The following PDZD8 variants were observed in gnomAD, a reference collection of about 807,000 sequenced individuals.
PDZD8 encodes the protein PDZ domain containing 8, also known as PDZ domain-containing protein 8.
PDZD8 carries 14 observed loss-of-function variants against 85.8 expected under a neutral mutation model. The ratio of observed to expected loss-of-function variants is 0.16; its 90% CI spans 0.11 to 0.26. PDZD8 has a LOEUF of 0.26. PDZD8 is among the 10% of genes least tolerant of loss of function. The pLI, the probability that PDZD8 is intolerant of heterozygous loss-of-function variation, is 1.00. For missense variants in PDZD8, 1,197 were observed against 1,424.3 expected, an observed-to-expected ratio of 0.84 and a Z score of 2.57; for synonymous variants, 592 against 568.6, an observed-to-expected ratio of 1.04 and a Z score of -0.59.
At chr10:117,321,038 C>T (rs1172177592) in intron 2 of PDZD8, among the ~76,000 whole-genome samples, 1 of 152,050 alleles carries the variant, frequency 6.6e-6, no homozygotes, top group Non-Finnish European at 1.5e-5. Flanking sequence ...GCTCATACAT[C>T]GCTGATGGGA....
At chr10:117,343,357 CGAGTTT>C (rs139555163) in intron 1 of PDZD8, among the ~76,000 whole-genome samples, 2,744 of 152,212 alleles carry the variant, frequency 0.018, 96 homozygotes, top group African/African-American at 0.064. Context: ...GAAAGCCCCC[CGAGTTT>C]CTCCCAACTA....
In PDZD8 at chr10:117,375,371, GGCCGGCGCGCTGCGGCGCCCGA is replaced by G; in HGVS notation, c.-166_-145del. 1.9e-6 allele frequency: 1 copy of G among 524,314 alleles called. No individual in the cohort carries two copies. Among genetic ancestry groups the G allele is most frequent in the Non-Finnish European group, 2.9e-6 (1 of 346,234 alleles). The allele number at this position is 524,314 out of a possible 1,614,324, so 32.5% of individuals were successfully genotyped here. A position where few individuals can be genotyped will look rare whatever the true frequency, so the allele number is the denominator to read the frequency against. On this transcript the variant is annotated 5_prime_UTR_variant, in exon 1 of 5. Transcript: ENST00000334464. ...TCCGTGGGCCTCGTCCAGGGGCTCG[GGCCGGCGCGCTGCGGCGCCCGA>G]GCCCGCAGCGGCCCGCGCCTCCTCA...
At chr10:117,343,161 A>G (rs1844645754) in intron 1 of PDZD8, among the ~76,000 whole-genome samples, 1 of 152,244 alleles carries the variant, frequency 6.6e-6, no homozygotes, top group Non-Finnish European at 1.5e-5. Context: ...AAACTGAAAT[A>G]AACACTTAGA....
intron 1 of PDZD8, among the ~76,000 whole-genome samples, chr10:117,351,927 C>CT (rs144041525): frequency 0.028 from 4,241 of 152,244 alleles, 220 homozygotes; most frequent in African/African-American, 0.099. Flanking sequence ...AATCCTCCTG[C>CT]TTCGGCCTCC....
chr10:117,365,927 T>C (rs142354316), intron 1 of PDZD8, among the ~76,000 whole-genome samples: 129 of 152,288 alleles, frequency 8.5e-4, no homozygotes, highest in African/African-American at 3.0e-3. Context: ...GTTGAGTCAG[T>C]ATTTAACTTT....
At position 117,292,108 on chromosome 10, in the gene PDZD8, C is replaced by T. The variant is rs543600918; in HGVS notation, c.1099-1760G>A. Among the ~76,000 whole-genome samples the T allele has an allele frequency of 1.1e-4, 17 of 152,198 alleles. No homozygotes were observed. The East Asian group carries it at 2.7e-3, about 24-fold the overall frequency. The stretch of plus-strand genomic sequence containing the variant: ...TTCAATTTTCCTACCTAATGATATT[C>T]GCTGGTAAAAGAACCCTCACTGGAA... On this transcript the variant is annotated intron_variant, in intron 3 of 4. Transcript: ENST00000334464.
Position 117,285,429 on chromosome 10 carries a change from T to C in PDZD8, c.1304A>G (p.Lys435Arg), listed in dbSNP as rs115305145. Reference protein sequence around the residue: ...TSTLQVLKLIKQAGDRVLVYY... With the variant: ...TSTLQVLKLIRQAGDRVLVYY... The stretch of plus-strand genomic sequence containing the variant: ...CACCAGGACTCGGTCACCAGCCTGC[T>C]TGATAAGCTTCAACACTTGCAGTGT... The change falls in exon 5 of 5, where the codon AAG (lysine) becomes AGG (arginine). Residue 435 changes from lysine (K) to arginine (R), a missense_variant. Lys to Arg is a conservative substitution (Grantham distance 26). Around this residue, in one of 4 missense-constraint regions of PDZD8, gnomAD observed 344 missense variants for 453.6 expected, o/e 0.76. Coordinates refer to ENST00000334464, the MANE Select transcript of PDZD8 (RefSeq NM_173791.5). 73 of 1,612,276 alleles carry C rather than the reference T, an allele frequency of 4.5e-5. No individual in the cohort carries two copies. The Middle Eastern group carries it at 5.0e-4, about 11-fold the overall frequency.
chr10:117,310,005 G>T (rs1402174106), intron 3 of PDZD8, among the ~76,000 whole-genome samples: 2 of 152,126 alleles, frequency 1.3e-5, no homozygotes, highest in African/African-American at 4.8e-5. Context: ...GAGAGTAACA[G>T]GCAAACTTCT....
intron 1 of PDZD8, among the ~76,000 whole-genome samples, chr10:117,356,444 C>T (rs1844896703): frequency 1.3e-5 from 2 of 152,162 alleles, no homozygotes; most frequent in South Asian, 4.2e-4. Context: ...CCACAGATAT[C>T]CAAATATTTA....
chr10:117,284,308 C>A lies in PDZD8; in HGVS notation c.2425G>T (p.Val809Leu). 6.2e-7 allele frequency: 1 copy of A among 1,613,884 alleles called. No homozygotes were observed. The highest frequency in any genetic ancestry group is 1.1e-5 in the South Asian group (1 of 91,034). Residue 809 changes from valine to leucine, a missense_variant, in exon 5 of 5, where the codon GTA becomes TTA. This residue lies in a region of PDZD8 where 418 missense variants were observed against 571.1 expected (regional missense o/e 0.73). Coordinates refer to ENST00000334464, the MANE Select transcript of PDZD8 (RefSeq NM_173791.5). ...AAATGGGGTTCTTTTTCTTTTTCTA[C>A]GTTAGTAACTACATGGTGGTCTGAT... is the stretch of plus-strand genomic sequence containing the variant. ...GESDHHVVTN[V>L]EKEKEPHLVE...
At chr10:117,348,830 C>T (rs1844751864) in intron 1 of PDZD8, among the ~76,000 whole-genome samples, 1 of 152,114 alleles carries the variant, frequency 6.6e-6, no homozygotes, top group South Asian at 2.1e-4. Flanking sequence ...TATGTAACTC[C>T]AGAGCCTGAT....
In PDZD8 at chr10:117,281,148, C is replaced by T. The variant is rs1261709437; in HGVS notation, c.*2120G>A. 1.3e-5 allele frequency: 2 copies of T among 152,032 alleles called. No homozygotes were observed. Among genetic ancestry groups the T allele is most frequent in the Non-Finnish European group, 2.9e-5 (2 of 68,040 alleles). 9.4% of individuals were successfully genotyped at this position (152,032 alleles called of 1,614,324 possible). A position where few individuals can be genotyped will look rare whatever the true frequency, so the allele number is the denominator to read the frequency against. On this transcript the variant is annotated 3_prime_UTR_variant, in exon 5 of 5. Coordinates refer to ENST00000334464, the MANE Select transcript of PDZD8 (RefSeq NM_173791.5). ...CTTTGGGAGGCCGAGGCAGGTGGAT[C>T]ACGAGGTCAGGAGATCGAGACCATC...
rs1390076508 is a variant in PDZD8, at chr10:117,283,888, G to A, written c.2845C>T (p.Arg949Cys). The A allele has an allele frequency of 4.3e-6, 7 of 1,614,142 alleles. No individual in the cohort carries two copies. Among genetic ancestry groups the A allele is most frequent in the African/African-American group, 1.3e-5 (1 of 75,008 alleles). The stretch of plus-strand genomic sequence containing the variant: ...GAAAGGCGAGTTTTAGAGACTTGAC[G>A]CAAATTTAATAAACGAGAACTAGTA... ...INTSSRLLNL[R>C]QVSKTRLSEP... Residue 949 changes from arginine (R) to cysteine (C), a missense_variant, in exon 5 of 5, where the codon CGT (arginine) becomes TGT (cysteine). By Grantham distance (180) the Arg-to-Cys change is radical (BLOSUM62 -3). Around this residue, in one of 4 missense-constraint regions of PDZD8, gnomAD observed 418 missense variants for 571.1 expected, o/e 0.73. Coordinates refer to ENST00000334464, the MANE Select transcript of PDZD8 (RefSeq NM_173791.5).
In PDZD8 at chr10:117,375,039, G is replaced by A. The variant is rs770072692; in HGVS notation, c.189C>T (p.Gly63=). Residue 63 remains glycine (G), a synonymous_variant, in exon 1 of 5, where the codon GGC becomes GGT. Coordinates refer to ENST00000334464, the MANE Select transcript of PDZD8 (RefSeq NM_173791.5). Reference sequence around the variant, plus strand: ...CTCCGGAGGGCTCCTCATCCCGGCCGCCGCCATAAAGGTACTCCCTTAGGA... The same window carrying A: ...CTCCGGAGGGCTCCTCATCCCGGCCACCGCCATAAAGGTACTCCCTTAGGA... ...GLLLREYLYG[G]GRDEEPSGAA... is the part of the protein sequence containing the mutation. The A allele has an allele frequency of 3.1e-6, 5 of 1,593,218 alleles. No homozygotes were observed. Among genetic ancestry groups the A allele is most frequent in the Non-Finnish European group, 4.3e-6 (5 of 1,171,204 alleles).
Position 117,278,643 on chromosome 10 carries a change from TGTGTTTG to T in PDZD8, c.*4618_*4624del, listed in dbSNP as rs546709143. 4.2e-3 allele frequency: 588 copies of T among 140,500 alleles called. 4 individuals are homozygous for T. The highest frequency in any genetic ancestry group is 0.015 in the African/African-American group (557 of 37,534). The allele number at this position is 140,500 out of a possible 1,614,324, so 8.7% of individuals were successfully genotyped here. A position where few individuals can be genotyped will look rare whatever the true frequency, so the allele number is the denominator to read the frequency against. On this transcript the variant is annotated 3_prime_UTR_variant, in exon 5 of 5. Transcript: ENST00000334464. ...TTACTTAGTTTCGTTAAGCTAAGAT[TGTGTTTG>T]TGTTAACTTCGACATCAAGGAGCAA...
intron 1 of PDZD8, among the ~76,000 whole-genome samples, chr10:117,354,952 C>A (rs1844867806): frequency 6.6e-6 from 1 of 152,174 alleles, no homozygotes; most frequent in South Asian, 2.1e-4. Flanking sequence ...TTAGTTGTAA[C>A]TTTTATGGCA....
At chr10:117,325,404 C>CTTTTTTTTTTTT (rs71013659) in intron 2 of PDZD8, among the ~76,000 whole-genome samples, 5,863 of 99,504 alleles carry the variant, frequency 0.059, 1,124 homozygotes, top group African/African-American at 0.074. Flanking sequence ...GAAAAGCCAA[C>CTTTTTTTTTTTT]TTTTTTTTTT....
At chr10:117,350,819 G>C (rs1436239863) in intron 1 of PDZD8, among the ~76,000 whole-genome samples, 1 of 150,080 alleles carries the variant, frequency 6.7e-6, no homozygotes, top group African/African-American at 2.5e-5. Context: ...CAGGAGAATG[G>C]CATGAACCTG....
At position 117,290,368 on chromosome 10, in the gene PDZD8, A is replaced by T; in HGVS notation, c.1099-20T>A. 1 of 1,564,116 alleles carries T rather than the reference A, an allele frequency of 6.4e-7. No individual in the cohort carries two copies. Reference sequence around the variant, plus strand: ...TTCAACCTTTGATAAAGGGGAAAAAAATGAAAACTGATTCAATGGATTCCT... The same window carrying T: ...TTCAACCTTTGATAAAGGGGAAAAATATGAAAACTGATTCAATGGATTCCT... On this transcript the variant is annotated intron_variant, in intron 3 of 4. Coordinates refer to ENST00000334464, the MANE Select transcript of PDZD8 (RefSeq NM_173791.5).
Sources: gnomAD v4.1 joint callset for allele counts (sites outside exome capture counted in the v4.1 genomes callset) on GRCh38, gnomAD v4.1.1 for gene constraint, gnomAD v4.1.1 regional missense constraint, MANE v1.5 for transcripts, NCBI Gene and HGNC (gene_info 2026-07-23, HGNC 2026-07-21) for gene names.